LIN7A: variants seen among roughly 807,000 people sequenced by gnomAD.
LIN7A encodes the protein lin-7 cell polarity scaffold A.
Under a neutral mutation model 29.8 loss-of-function variants are expected in LIN7A, and 25 were observed. That is an observed-to-expected ratio of 0.84 (90% confidence interval 0.61 to 1.17). The LOEUF is 1.17. LIN7A is among the 50% of genes most tolerant of loss of function. The pLI is 0.00. For missense variants in LIN7A, 239 were observed against 287.0 expected (o/e 0.83, Z 1.21); for synonymous variants, 118 against 107.5 (o/e 1.10, Z -0.60).
chr12:80,926,727 A>C (rs1877601020), intron 1 of LIN7A, among the ~76,000 whole-genome samples: 1 of 152,054 alleles, frequency 6.6e-6, no homozygotes, highest in Non-Finnish European at 1.5e-5. Context: ...CAGGAGATCA[A>C]GACTTTGGTG....
At chr12:80,911,826 A>C (rs1349053374) in intron 1 of LIN7A, among the ~76,000 whole-genome samples, 1 of 152,172 alleles carries the variant, frequency 6.6e-6, no homozygotes, top group Non-Finnish European at 1.5e-5. Context: ...ATGCAAGACA[A>C]ATTACTCATA....
intron 1 of LIN7A, among the ~76,000 whole-genome samples, chr12:80,893,519 C>G (rs1875733624): frequency 6.6e-6 from 1 of 152,186 alleles, no homozygotes; most frequent in African/African-American, 2.4e-5. Context: ...GCTGAGCCAA[C>G]CCTTTTCTAT....
chr12:80,841,399 GGAAGGAA>G (rs1872813481), intron 4 of LIN7A, among the ~76,000 whole-genome samples: 2 of 134,768 alleles, frequency 1.5e-5, no homozygotes, highest in African/African-American at 5.3e-5. Flanking sequence ...AAGGAAGGAA[GGAAGGAA>G]GGAGGGAAAG....
intron 4 of LIN7A, among the ~76,000 whole-genome samples, chr12:80,815,954 A>AC (rs1871510097): frequency 6.6e-6 from 1 of 151,774 alleles, no homozygotes. Flanking sequence ...AAACAGAAAA[A>AC]CCCCTAAAAA....
intron 1 of LIN7A, among the ~76,000 whole-genome samples, chr12:80,934,225 A>AATTATGT (rs1275750859): frequency 6.6e-6 from 1 of 152,160 alleles, no homozygotes; most frequent in Non-Finnish European, 1.5e-5. Context: ...CAAAAAGTAG[A>AATTATGT]ATTATGTCTC....
chr12:80,850,752 A>G (rs553819167), intron 2 of LIN7A, among the ~76,000 whole-genome samples: 1 of 152,160 alleles, frequency 6.6e-6, no homozygotes, highest in African/African-American at 2.4e-5. Context: ...TCGTACGTGC[A>G]ATGATTGGTA....
chr12:80,837,378 G>T (rs950553220), intron 4 of LIN7A, among the ~76,000 whole-genome samples: 1 of 152,064 alleles, frequency 6.6e-6, no homozygotes, highest in Non-Finnish European at 1.5e-5. Flanking sequence ...ATCTCAGTGG[G>T]CCCTAAGAAC....
chr12:80,872,055 T>C (rs1323184849), intron 2 of LIN7A, among the ~76,000 whole-genome samples: 1 of 152,108 alleles, frequency 6.6e-6, no homozygotes, highest in Non-Finnish European at 1.5e-5. Context: ...TGTATAGTTA[T>C]ATCTTCAAAT....
At chr12:80,810,511 T>G (rs1280937224) in intron 5 of LIN7A, among the ~76,000 whole-genome samples, 2 of 152,176 alleles carry the variant, frequency 1.3e-5, no homozygotes, top group Non-Finnish European at 2.9e-5. Context: ...GCACTTCAGT[T>G]GTTTTCATAT....
intron 4 of LIN7A, among the ~76,000 whole-genome samples, chr12:80,815,201 C>G (rs1479992723): frequency 6.6e-6 from 1 of 152,004 alleles, no homozygotes; most frequent in East Asian, 1.9e-4. Context: ...TATTATTTAT[C>G]TCTGGAGTGC....
chr12:80,900,971 A>C (rs571185335), intron 1 of LIN7A, among the ~76,000 whole-genome samples: 8 of 152,290 alleles, frequency 5.3e-5, no homozygotes, highest in South Asian at 2.1e-4. Context: ...ATTGGAGTTC[A>C]TTTTATTAGC....
intron 5 of LIN7A, among the ~76,000 whole-genome samples, chr12:80,800,105 C>A (rs1870643300): frequency 6.6e-6 from 1 of 152,160 alleles, no homozygotes; most frequent in South Asian, 2.1e-4. Context: ...ACTACAAATA[C>A]CATGGACATT....
intron 5 of LIN7A, among the ~76,000 whole-genome samples, chr12:80,807,063 GTTTTTTTT>G (rs71094991): frequency 2.2e-4 from 12 of 53,588 alleles, no homozygotes; most frequent in African/African-American, 1.0e-3. Flanking sequence ...TGAAGATGGA[GTTTTTTTT>G]TTTTTTTTTT....
intron 5 of LIN7A, among the ~76,000 whole-genome samples, chr12:80,808,230 C>T (rs1871133028): frequency 6.6e-6 from 1 of 152,164 alleles, no homozygotes; most frequent in Non-Finnish European, 1.5e-5. Flanking sequence ...GCAATGTTAC[C>T]TCCTTTGAGA....
At chr12:80,897,310 C>T (rs1875958295) in intron 1 of LIN7A, among the ~76,000 whole-genome samples, 1 of 152,038 alleles carries the variant, frequency 6.6e-6, no homozygotes, top group Non-Finnish European at 1.5e-5. Flanking sequence ...GTTTTTACAT[C>T]CTTACAGCCG....
chr12:80,878,276 C>G (rs1003538364), intron 2 of LIN7A, among the ~76,000 whole-genome samples: 2 of 152,148 alleles, frequency 1.3e-5, no homozygotes, highest in African/African-American at 2.4e-5. Flanking sequence ...CTCTACACAT[C>G]ATTAAAAATG....
rs759217844 is a variant in LIN7A at position 80,792,683 on chromosome 12, C to G, written c.*5044G>C. 5.3e-5 allele frequency: 8 copies of G among 152,142 alleles called. No homozygotes were observed. Among genetic ancestry groups the G allele is most frequent in the Non-Finnish European group, 1.0e-4 (7 of 68,018 alleles). 9.4% of individuals were successfully genotyped at this position (152,142 alleles called of 1,614,324 possible). On this transcript the variant is annotated 3_prime_UTR_variant, in exon 6 of 6. Transcript: ENST00000552864. ...ATGATACTATTGTCCAATCCTTTCC[C>G]GTAAATGTAAAATATCCTTAGTTCA...
intron 1 of LIN7A, among the ~76,000 whole-genome samples, chr12:80,890,962 AT>A (rs138373202): frequency 0.054 from 8,260 of 151,738 alleles, 255 homozygotes; most frequent in Admixed American, 0.096. Context: ...CTCAGAGCTC[AT>A]TTTTTTTCCC....
intron 5 of LIN7A, among the ~76,000 whole-genome samples, chr12:80,804,065 T>G (rs1282407309): frequency 6.6e-6 from 1 of 152,180 alleles, no homozygotes; most frequent in Non-Finnish European, 1.5e-5. Context: ...TTCCACTTTA[T>G]TTTTAAATTT....
Sources: allele counts gnomAD v4.1 joint callset (sites outside exome capture counted in the v4.1 genomes callset), GRCh38; gene constraint gnomAD v4.1.1; transcripts MANE v1.5; gene names NCBI Gene and HGNC (gene_info 2026-07-23, HGNC 2026-07-21).